The following HEATR5B variants were observed in gnomAD, a reference collection of about 807,000 sequenced individuals.
HEATR5B encodes the protein HEAT repeat-containing protein 5B.
In HEATR5B, 156 loss-of-function variants were observed where a neutral mutation model predicts 224.1. The observed-to-expected ratio is 0.70, with a 90% confidence interval of 0.61 to 0.80. HEATR5B has a LOEUF of 0.80. Ranked by LOEUF, HEATR5B falls within the 30% of genes least tolerant of loss-of-function variation. The probability of loss-of-function intolerance (pLI) is 0.00; values close to 1 mark genes in which losing one functional copy is unlikely to be tolerated. For synonymous variants in HEATR5B, 1,027 were observed against 893.0 expected, an observed-to-expected ratio of 1.15 and a Z score of -2.68; for missense variants, 2,323 against 2,535.5, an observed-to-expected ratio of 0.92 and a Z score of 1.80.
At chr2:37,011,041 T>G (rs1667754271) in intron 27 of HEATR5B, among the ~76,000 whole-genome samples, 1 of 152,194 alleles carries the variant, frequency 6.6e-6, no homozygotes, top group Non-Finnish European at 1.5e-5. Context: ...ATTTATCTTC[T>G]ACAAAGATAA....
Position 37,008,662 on chromosome 2 carries a change from A to G in HEATR5B, c.4471T>C (p.Tyr1491His). Reference protein sequence around the residue: ...SRLWLAALKDYALLTLPAEFS... With the variant: ...SRLWLAALKDHALLTLPAEFS... Reference sequence around the variant, plus strand: ...TCGGCTGGTAAAGTCAAGAGTGCATAATCTTTTAATGCTGCTAACCACAGG... The same window carrying G: ...TCGGCTGGTAAAGTCAAGAGTGCATGATCTTTTAATGCTGCTAACCACAGG... Residue 1491 changes from tyrosine (Y) to histidine (H), a missense_variant, in exon 28 of 36, where the codon TAT (tyrosine) becomes CAT (histidine). By Grantham distance (83) the Tyr-to-His change is moderately conservative. Coordinates refer to ENST00000233099, the MANE Select transcript of HEATR5B (RefSeq NM_019024.3). The G allele has an allele frequency of 1.9e-6, 3 of 1,614,136 alleles. No homozygotes were observed. The highest frequency in any genetic ancestry group is 2.5e-6 in the Non-Finnish European group (3 of 1,180,000).
intron 15 of HEATR5B, among the ~76,000 whole-genome samples, 164 bp from the exon 16 acceptor site, chr2:37,056,779 T>A (rs963387473): frequency 8.5e-5 from 13 of 152,172 alleles, no homozygotes; most frequent in Non-Finnish European, 1.3e-4. Flanking sequence ...ATTTGGTCAT[T>A]AAAAAATCAT....
At chr2:37,048,323 G>T (rs113566239) in intron 18 of HEATR5B, among the ~76,000 whole-genome samples, 6,469 of 151,768 alleles carry the variant, frequency 0.043, 483 homozygotes, top group African/African-American at 0.15. Flanking sequence ...TAGATGGGAC[G>T]ATAGGTATAT....
intron 15 of HEATR5B, among the ~76,000 whole-genome samples, chr2:37,056,907 T>A (rs1387892657): frequency 2.0e-5 from 3 of 152,230 alleles, no homozygotes; most frequent in Non-Finnish European, 4.4e-5. Flanking sequence ...TTATTTTAAA[T>A]GGGGCTTTAA....
chr2:37,013,847 C>T lies in HEATR5B; in HGVS notation c.4278G>A (p.Trp1426Ter). The T allele has an allele frequency of 6.3e-7, 1 of 1,577,808 alleles. No individual in the cohort carries two copies. The highest frequency in any genetic ancestry group is 8.6e-7 in the Non-Finnish European group (1 of 1,160,106). The change falls in exon 27 of 36, where the codon TGG (tryptophan) becomes TGA (stop). Residue 1426 changes from tryptophan to a stop codon, truncating the protein, a stop_gained. Coordinates refer to ENST00000233099, the MANE Select transcript of HEATR5B (RefSeq NM_019024.3). LOFTEE classifies it high-confidence loss of function. ...TMEKLAVLKA[W>*]AEVYVVAMNI... ...ATTGTGGTTTAGTCGTTACCTCTGCCCAAGCTTTGAGAACAGCCAGTTTTT... is the reference window on the plus strand; with the variant it reads ...ATTGTGGTTTAGTCGTTACCTCTGCTCAAGCTTTGAGAACAGCCAGTTTTT...
chr2:36,984,215 A>AAAAAAAAAAAATAT lies in HEATR5B; in HGVS notation c.5912-2422_5912-2421insATATTTTTTTTTTT. On this transcript the variant is annotated intron_variant, in intron 35 of 35. Coordinates refer to ENST00000233099, the MANE Select transcript of HEATR5B (RefSeq NM_019024.3). Reference sequence around the variant, plus strand: ...AACTCTGTCTCAAAAAAAAAAAAAAAATATATATATATATATATATATAAA... The same window carrying AAAAAAAAAAAATAT: ...AACTCTGTCTCAAAAAAAAAAAAAAAAAAAAAAAAAATATATATATATATATATATATATATAAA... Among the ~76,000 whole-genome samples, 38 of 77,622 alleles carry AAAAAAAAAAAATAT rather than the reference A, an allele frequency of 4.9e-4. 2 individuals carry two copies. Among genetic ancestry groups the AAAAAAAAAAAATAT allele is most frequent in the African/African-American group, 2.1e-3 (35 of 17,032 alleles). The allele number at this position is 77,622 out of a possible 152,430, so 50.9% of individuals were successfully genotyped here.
intron 12 of HEATR5B, among the ~76,000 whole-genome samples, chr2:37,060,025 G>A (rs1262083272): frequency 6.6e-6 from 1 of 152,104 alleles, no homozygotes; most frequent in Non-Finnish European, 1.5e-5. Flanking sequence ...TACATCCAAT[G>A]TCATTCTAGT....
At chr2:37,065,324 C>CT (rs566277259) in intron 9 of HEATR5B, among the ~76,000 whole-genome samples, 5,784 of 145,910 alleles carry the variant, frequency 0.04, 142 homozygotes, top group Non-Finnish European at 0.055. Flanking sequence ...TACAAGGAAA[C>CT]TTTTTTTTTT....
intron 30 of HEATR5B, among the ~76,000 whole-genome samples, chr2:37,004,977 T>G (rs1304341958): frequency 6.6e-6 from 1 of 152,172 alleles, no homozygotes; most frequent in Non-Finnish European, 1.5e-5. Flanking sequence ...ATGATCCTTC[T>G]GAAATATAAA....
In HEATR5B at chr2:36,990,814, T is replaced by G; in HGVS notation, c.5546-15A>C. ...TACAGAGTCTTCTGAAAATGAAAAA[T>G]GAAAGAAGTGTGCTGTTTCTAAAAC... is the stretch of plus-strand genomic sequence containing the variant. On this transcript the variant is annotated splice_polypyrimidine_tract_variant and intron_variant, in intron 33 of 35. Coordinates refer to ENST00000233099, the MANE Select transcript of HEATR5B (RefSeq NM_019024.3). The G allele has an allele frequency of 2.6e-6, 4 of 1,537,002 alleles. No individual in the cohort carries two copies. The highest frequency in any genetic ancestry group is 1.4e-5 in the African/African-American group (1 of 71,834).
Position 37,005,718 on chromosome 2 carries a change from G to T in HEATR5B, c.4819C>A (p.Pro1607Thr). 6.2e-7 allele frequency: 1 copy of T among 1,609,718 alleles called. No homozygotes were observed. The highest frequency in any genetic ancestry group is 1.7e-4 in the Middle Eastern group (1 of 6,044). The change falls in exon 30 of 36, where the codon CCC (proline) becomes ACC (threonine). Residue 1607 changes from proline (P) to threonine (T), a missense_variant. By Grantham distance (38) the Pro-to-Thr change is conservative. This residue lies in a region of HEATR5B where 844 missense variants were observed against 812.9 expected (regional missense o/e 1.04). Transcript: ENST00000233099. ...AGGCATGCTGTAACATGTTCAATGGGCTCCTCAGGTCTAGGGGAACAAAGA... is the reference window on the plus strand; with the variant it reads ...AGGCATGCTGTAACATGTTCAATGGTCTCCTCAGGTCTAGGGGAACAAAGA... ...QFLCSPRPEE[P>T]IEHVTACLQA...
chr2:37,025,544 G>C (rs941750746), intron 24 of HEATR5B, among the ~76,000 whole-genome samples: 1 of 149,636 alleles, frequency 6.7e-6, no homozygotes. Context: ...AAACCTTAGA[G>C]AGTAAAAAGG....
intron 15 of HEATR5B, 95 bp from the exon 16 acceptor site, chr2:37,056,710 G>A: frequency 1.0e-6 from 1 of 982,774 alleles, no homozygotes; most frequent in East Asian, 2.8e-5. Context: ...GGAGAAAGGA[G>A]AAAAGGCAAC....
chr2:37,075,711 T>A (rs1672187420), intron 4 of HEATR5B, 77 bp from the exon 5 acceptor site: 1 of 1,116,142 alleles, frequency 9.0e-7, no homozygotes, highest in Admixed American at 2.4e-5. Context: ...AGACAAAAGT[T>A]CTTTGGGTCT....
Position 36,981,527 on chromosome 2 carries a change from G to C in HEATR5B, c.6179C>G (p.Ser2060Cys), listed in dbSNP as rs969289942. 6.2e-7 allele frequency: 1 copy of C among 1,613,376 alleles called. No individual in the cohort carries two copies. The highest frequency in any genetic ancestry group is 8.5e-7 in the Non-Finnish European group (1 of 1,179,708). ...TGTTTTTAGCTTAATTGTTGGTGCA[G>C]AATGTATGGCGGGGGCTGGTTGTCT... ...AARQPAPAIH[S>C]APTIKLKTSF... The change falls in exon 36 of 36, where the codon TCT becomes TGT. Residue 2060 changes from serine to cysteine, a missense_variant. This residue lies in a region of HEATR5B where 844 missense variants were observed against 812.9 expected (regional missense o/e 1.04). Transcript: ENST00000233099.
chr2:37,038,297 G>A (rs1249177914), intron 20 of HEATR5B, among the ~76,000 whole-genome samples: 2 of 151,872 alleles, frequency 1.3e-5, no homozygotes, highest in African/African-American at 4.8e-5. Context: ...GCGCCACCAC[G>A]CCCAGCTGAT....
chr2:37,020,149 C>A (rs1405162464), intron 25 of HEATR5B, among the ~76,000 whole-genome samples: 1 of 152,188 alleles, frequency 6.6e-6, no homozygotes, highest in Non-Finnish European at 1.5e-5. Context: ...AAATGATCCA[C>A]CCACCTCGGC....
Position 36,988,791 on chromosome 2 carries a change from A to C in HEATR5B, c.5766T>G (p.Pro1922=), listed in dbSNP as rs1462205029. The C allele has an allele frequency of 6.2e-7, 1 of 1,614,032 alleles. No homozygotes were observed. Among genetic ancestry groups the C allele is most frequent in the African/African-American group, 1.3e-5 (1 of 74,936 alleles). The change falls in exon 35 of 36, where the codon CCT becomes CCG. Residue 1922 remains proline, a synonymous_variant. Coordinates refer to ENST00000233099, the MANE Select transcript of HEATR5B (RefSeq NM_019024.3). ...CTATTGGAGCTAATGAATGAATATA[A>C]GGAGTTGAAAGGGCACGATTGGAAT... ...FQHSNRALST[P]YIHSLAPIVV...
chr2:37,069,045 G>A (rs1671755992), intron 7 of HEATR5B, 115 bp from the exon 8 acceptor site: 9 of 1,089,154 alleles, frequency 8.3e-6, no homozygotes, highest in South Asian at 1.7e-5. Context: ...TGTATTTGAG[G>A]CTAAAACAGA....
Sources: allele counts gnomAD v4.1 joint callset (sites outside exome capture counted in the v4.1 genomes callset), GRCh38; gene constraint gnomAD v4.1.1; regional missense constraint gnomAD v4.1.1; transcripts MANE v1.5; gene names NCBI Gene and HGNC (gene_info 2026-07-23, HGNC 2026-07-21).